Variants in TGDS observed in about 807,000 individuals in gnomAD.
The protein encoded by TGDS is TDP-glucose 4,6-dehydratase.
TGDS carries 47 observed loss-of-function variants against 52.3 expected under a neutral mutation model. The observed-to-expected ratio is 0.90, with a 90% CI of 0.71 to 1.15. TGDS has a LOEUF of 1.15. Among genes scored for constraint, TGDS ranks in the 50% most tolerant of loss-of-function variants. The pLI, the probability that TGDS is intolerant of heterozygous loss-of-function variation, is 0.00. For synonymous variants in TGDS, 115 were observed against 136.9 expected (o/e 0.84, Z 1.12); for missense variants, 375 against 418.4 (o/e 0.90, Z 0.90).
chr13:94,574,916 A>G, intron 11 of TGDS, 64 bp from the exon 12 acceptor site: 10 of 1,019,192 alleles, frequency 9.8e-6, no homozygotes, highest in South Asian at 1.5e-5. Flanking sequence ...ACATCAGTTA[A>G]CCAACCTTTA....
At chr13:94,577,238 G>T in intron 10 of TGDS, 133 bp downstream of exon 10, 1 of 623,696 alleles carries the variant, frequency 1.6e-6, no homozygotes, top group Non-Finnish European at 2.6e-6. Flanking sequence ...TGGTACTTAC[G>T]ATTATGAAAA....
At position 94,590,922 on chromosome 13, in the gene TGDS, A is replaced by C; in HGVS notation, c.244T>G (p.Phe82Val). 4 of 1,572,916 alleles carry C rather than the reference A, an allele frequency of 2.5e-6. No individual in the cohort carries two copies. The highest frequency in any genetic ancestry group is 3.4e-6 in the Non-Finnish European group (4 of 1,166,088). Residue 82 changes from phenylalanine to valine, a missense_variant, in exon 4 of 12, where the codon TTT becomes GTT. Coordinates refer to ENST00000261296, the MANE Select transcript of TGDS (RefSeq NM_014305.4). ...FIQGDICDSH[F>V]VKLLFETEKI... The stretch of plus-strand genomic sequence containing the variant: ...TCTGTTTCAAAAAGCAGTTTCACAA[A>C]GTGAGAATCACATATGTCACCCTAT...
intron 5 of TGDS, among the ~76,000 whole-genome samples, chr13:94,581,535 G>C (rs935771269): frequency 2.6e-5 from 4 of 152,206 alleles, no homozygotes; most frequent in African/African-American, 7.2e-5. Context: ...CTGATTTTGA[G>C]CAGAGTAATG....
chr13:94,577,739 G>GT (rs1164935358), intron 9 of TGDS, among the ~76,000 whole-genome samples: 1 of 152,044 alleles, frequency 6.6e-6, no homozygotes, highest in East Asian at 1.9e-4. Flanking sequence ...ACTGTTACTT[G>GT]TTTTAAGACA....
intron 1 of TGDS, among the ~76,000 whole-genome samples, chr13:94,594,607 T>C (rs973192734): frequency 6.6e-6 from 1 of 152,142 alleles, no homozygotes; most frequent in African/African-American, 2.4e-5. Flanking sequence ...CTTGACCAAA[T>C]TATGAACTTG....
At chr13:94,595,373 C>T (rs555237875) in intron 1 of TGDS, among the ~76,000 whole-genome samples, 131 of 152,280 alleles carry the variant, frequency 8.6e-4, no homozygotes, top group Non-Finnish European at 1.6e-3. Flanking sequence ...AATCCTGCTT[C>T]TACCATGATC....
chr13:94,578,156 G>A lies in TGDS; in HGVS notation c.674C>T (p.Ser225Leu). Residue 225 changes from serine to leucine, a missense_variant, in exon 9 of 12, where the codon TCA (serine) becomes TTA (leucine). Ser to Leu is a moderately radical substitution (Grantham distance 145). Transcript: ENST00000261296. ...QHNRKCCIHG[S>L]GLQTRNFLYA... ...AAGGAAGTTTCTTGTTTGAAGCCCT[G>A]ACCCATGAATGCAACTAAAGAGATT... 1 of 1,613,562 alleles carries A rather than the reference G, an allele frequency of 6.2e-7. No individual in the cohort carries two copies. The highest frequency in any genetic ancestry group is 2.2e-5 in the East Asian group (1 of 44,774).
intron 2 of TGDS, 121 bp from the exon 3 acceptor site, chr13:94,592,430 T>A: frequency 1.4e-6 from 1 of 737,104 alleles, no homozygotes; most frequent in Non-Finnish European, 2.1e-6. Flanking sequence ...CATGTCCTCT[T>A]AAAGTGTGTT....
intron 3 of TGDS, among the ~76,000 whole-genome samples, chr13:94,591,919 C>T (rs1034673979): frequency 2.6e-5 from 4 of 152,164 alleles, no homozygotes; most frequent in Admixed American, 6.6e-5. Flanking sequence ...TTGGACTTGT[C>T]TAAAAGTGAG....
intron 4 of TGDS, among the ~76,000 whole-genome samples, chr13:94,590,589 G>A (rs138791255): frequency 2.0e-5 from 3 of 152,028 alleles, no homozygotes; most frequent in Non-Finnish European, 2.9e-5. Flanking sequence ...TACAGTTGAC[G>A]GCCCATCTCC....
chr13:94,581,638 T>C (rs1306037915), intron 5 of TGDS, among the ~76,000 whole-genome samples: 3 of 152,320 alleles, frequency 2.0e-5, no homozygotes, highest in South Asian at 2.1e-4. Context: ...GTTTACCTGA[T>C]AAAAATTGCA....
Position 94,593,893 on chromosome 13 carries a change from A to G in TGDS, c.101T>C (p.Ile34Thr). 1 of 1,577,438 alleles carries G rather than the reference A, an allele frequency of 6.3e-7. No individual in the cohort carries two copies. The highest frequency in any genetic ancestry group is 2.3e-5 in the East Asian group (1 of 43,928). Residue 34 changes from isoleucine (I) to threonine (T), a missense_variant, in exon 2 of 12, where the codon ATT becomes ACT. Coordinates refer to ENST00000261296, the MANE Select transcript of TGDS (RefSeq NM_014305.4). ...GGAGFIASHM[I>T]VSLVEDYPNY... ...TGGATAATCTTCCACTAAAGAGACA[A>G]TCATATGTGATGCACTATGGAAAAA...
intron 6 of TGDS, 30 bp downstream of exon 6, chr13:94,581,061 G>A: frequency 7.8e-7 from 1 of 1,274,078 alleles, no homozygotes; most frequent in Non-Finnish European, 1.1e-6. Context: ...AAAGGAAAAT[G>A]TTTCAAGAGT....
intron 11 of TGDS, among the ~76,000 whole-genome samples, chr13:94,575,587 C>A (rs1888575312): frequency 6.6e-6 from 1 of 152,078 alleles, no homozygotes; most frequent in Non-Finnish European, 1.5e-5. Flanking sequence ...CTATGCCCAG[C>A]ACCTTCCTTC....
intron 4 of TGDS, among the ~76,000 whole-genome samples, chr13:94,588,381 C>T (rs923736373): frequency 3.0e-5 from 4 of 135,242 alleles, no homozygotes; most frequent in East Asian, 2.1e-4. Flanking sequence ...TGAGATCATG[C>T]CATTGCACTC....
chr13:94,592,121 A>G, intron 3 of TGDS, 120 bp downstream of exon 3: 1 of 650,438 alleles, frequency 1.5e-6, no homozygotes, highest in South Asian at 2.9e-5. Flanking sequence ...CTGATCTTTT[A>G]AAAGGTCTTT....
chr13:94,581,148 A>G lies in TGDS; in HGVS notation c.498T>C (p.Tyr166=), dbSNP rs141929649. Residue 166 remains tyrosine (Y), a synonymous_variant, in exon 6 of 12, where the codon TAT becomes TAC. Coordinates refer to ENST00000261296, the MANE Select transcript of TGDS (RefSeq NM_014305.4). The part of the protein sequence containing the change: ...ESSPKQPTNP[Y]ASSKAAAECF... Reference sequence around the variant, plus strand: ...ATTCAGCAGCTGCTTTAGATGATGCATAAGGATTTGTAGGTTGTTTGGGTG... The same window carrying G: ...ATTCAGCAGCTGCTTTAGATGATGCGTAAGGATTTGTAGGTTGTTTGGGTG... 69 of 1,596,422 alleles carry G rather than the reference A, an allele frequency of 4.3e-5. No individual in the cohort carries two copies. Among genetic ancestry groups the G allele is most frequent in the Non-Finnish European group, 5.6e-5 (65 of 1,170,982 alleles).
chr13:94,577,866 CAT>C (rs1288922319), intron 9 of TGDS, 137 bp downstream of exon 9: 17 of 852,432 alleles, frequency 2.0e-5, no homozygotes, highest in Non-Finnish European at 2.8e-5. Flanking sequence ...ATTTAAGACA[CAT>C]ATGGTACACA....
rs370232597 is a variant in TGDS, at chr13:94,581,078, A to G, written c.555+13T>C. 3.4e-5 allele frequency: 47 copies of G among 1,395,946 alleles called. 1 individual carries two copies. In the African/African-American group the frequency reaches 5.3e-4, roughly 16 times the overall value. 86.5% of individuals were successfully genotyped at this position (1,395,946 alleles called of 1,614,324 possible). ...AGGAAAATGTTTCAAGAGTTTCTGC[A>G]ATCAGTTCTTACCTTATATTGTTCC... is the stretch of plus-strand genomic sequence containing the variant. On this transcript the variant is annotated intron_variant, in intron 6 of 11. Transcript: ENST00000261296.
Sources: allele counts gnomAD v4.1 joint callset (sites outside exome capture counted in the v4.1 genomes callset), GRCh38; gene constraint gnomAD v4.1.1; transcripts MANE v1.5; gene names NCBI Gene and HGNC (gene_info 2026-07-23, HGNC 2026-07-21).